TYW1: variants seen among roughly 807,000 people sequenced by gnomAD.
TYW1 encodes S-adenosyl-L-methionine-dependent tRNA 4-demethylwyosine synthase TYW1.
In TYW1, 46 loss-of-function variants were observed where a neutral mutation model predicts 96.2. That is an observed-to-expected ratio of 0.48 (90% confidence interval 0.38 to 0.61). The LOEUF is 0.61. Among genes scored for constraint, TYW1 ranks in the 20% least tolerant of loss-of-function variants. TYW1 has a pLI of 0.00. For synonymous variants in TYW1, 274 were observed against 323.0 expected (o/e 0.85, Z 1.63); for missense variants, 684 against 909.6 (o/e 0.75, Z 3.19).
intron 11 of TYW1, chr7:67,089,614 T>C: frequency 1.9e-6 from 1 of 516,312 alleles, no homozygotes; most frequent in Non-Finnish European, 3.4e-6. Flanking sequence ...TGGGGATTGT[T>C]GCTTATTGTC....
chr7:67,196,459 C>G (rs976308189), intron 15 of TYW1, among the ~76,000 whole-genome samples: 1 of 152,132 alleles, frequency 6.6e-6, no homozygotes, highest in African/African-American at 2.4e-5. Flanking sequence ...GCCTTGTTAC[C>G]TGTGATTGCA....
At chr7:67,044,688 C>T (rs1344644224) in intron 7 of TYW1, among the ~76,000 whole-genome samples, 3 of 151,732 alleles carry the variant, frequency 2.0e-5, no homozygotes, top group Non-Finnish European at 2.9e-5. Flanking sequence ...GGCACCATCT[C>T]GGCTCACTGC....
intron 12 of TYW1, among the ~76,000 whole-genome samples, chr7:67,115,427 C>G (rs145258041): frequency 6.6e-6 from 1 of 152,224 alleles, no homozygotes; most frequent in African/African-American, 2.4e-5. Context: ...GAAGGATCCC[C>G]TTAGTATATC....
chr7:67,011,071 C>G (rs1227445217), intron 4 of TYW1, among the ~76,000 whole-genome samples: 1 of 151,824 alleles, frequency 6.6e-6, no homozygotes, highest in Non-Finnish European at 1.5e-5. Context: ...GAGTTTCGCT[C>G]TTGTTGCCCA....
intron 13 of TYW1, among the ~76,000 whole-genome samples, chr7:67,181,025 T>C (rs1463171373): frequency 6.6e-6 from 1 of 151,852 alleles, no homozygotes; most frequent in East Asian, 1.9e-4. Flanking sequence ...ATGTTAAGGA[T>C]GTGTTTAATT....
intron 8 of TYW1, among the ~76,000 whole-genome samples, chr7:67,053,667 C>T (rs1417113495): frequency 7.2e-5 from 11 of 152,178 alleles, no homozygotes; most frequent in Admixed American, 1.3e-4. Context: ...AGGTGTGAGC[C>T]ACCATGCCCA....
At chr7:67,187,159 G>A (rs936590453) in intron 14 of TYW1, among the ~76,000 whole-genome samples, 6 of 149,022 alleles carry the variant, frequency 4.0e-5, no homozygotes, top group Non-Finnish European at 8.9e-5. Context: ...CGCCTCCTGG[G>A]TTCAAGCAGT....
chr7:67,175,255 T>G (rs1366369875), intron 13 of TYW1, among the ~76,000 whole-genome samples: 1 of 148,436 alleles, frequency 6.7e-6, no homozygotes, highest in African/African-American at 2.5e-5. Flanking sequence ...CACCGCAACC[T>G]CCACCTCCTG....
In TYW1 at chr7:66,998,918, G is replaced by T; in HGVS notation, c.237G>T (p.Val79=). 6.2e-7 allele frequency: 1 copy of T among 1,614,122 alleles called. No individual in the cohort carries two copies. Among genetic ancestry groups the T allele is most frequent in the Non-Finnish European group, 8.5e-7 (1 of 1,180,008 alleles). ...LQEKDIFVSG[V]KIFYGSQTGT... ...AGAAAGACATCTTTGTGTCTGGAGT[G>T]AAGATTTTTTATGGTTCTCAGACTG... Residue 79 remains valine, a synonymous_variant, in exon 3 of 16, where the codon GTG becomes GTT. Coordinates refer to ENST00000359626, the MANE Select transcript of TYW1 (RefSeq NM_018264.4).
chr7:67,111,543 T>C (rs1797408521), intron 12 of TYW1, among the ~76,000 whole-genome samples: 1 of 152,088 alleles, frequency 6.6e-6, no homozygotes, highest in Non-Finnish European at 1.5e-5. Flanking sequence ...AAATGATGAC[T>C]CATCAAATAG....
chr7:67,040,466 T>G (rs1794983046), intron 7 of TYW1, among the ~76,000 whole-genome samples: 1 of 152,010 alleles, frequency 6.6e-6, no homozygotes, highest in African/African-American at 2.4e-5. Flanking sequence ...CTGAGTAATT[T>G]TCATTGGTGA....
chr7:67,096,258 TGG>T (rs1796909711), intron 11 of TYW1, among the ~76,000 whole-genome samples: 1 of 151,896 alleles, frequency 6.6e-6, no homozygotes, highest in Non-Finnish European at 1.5e-5. Context: ...GGCATGGTGG[TGG>T]GCACCTGTAG....
chr7:67,024,578 C>T (rs1211258835), intron 6 of TYW1, among the ~76,000 whole-genome samples: 1 of 151,864 alleles, frequency 6.6e-6, no homozygotes, highest in Non-Finnish European at 1.5e-5. Flanking sequence ...GTCAGGGGTT[C>T]GAGACCAGCC....
At chr7:67,209,891 G>T (rs572804403) in intron 15 of TYW1, among the ~76,000 whole-genome samples, 10 of 151,748 alleles carry the variant, frequency 6.6e-5, no homozygotes, top group Non-Finnish European at 1.2e-4. Flanking sequence ...TTTTTCAATA[G>T]ACTTTATGTT....
intron 15 of TYW1, among the ~76,000 whole-genome samples, chr7:67,210,384 G>A (rs898919256): frequency 6.6e-6 from 1 of 152,138 alleles, no homozygotes; most frequent in Non-Finnish European, 1.5e-5. Context: ...TGCTGACCTC[G>A]ATCCTCCAAC....
chr7:67,036,400 A>G (rs1206996088), intron 7 of TYW1, among the ~76,000 whole-genome samples: 1 of 152,230 alleles, frequency 6.6e-6, no homozygotes, highest in African/African-American at 2.4e-5. Context: ...GGCTGTGCAC[A>G]ATTCAAAAGG....
intron 7 of TYW1, among the ~76,000 whole-genome samples, chr7:67,034,529 C>T (rs1794772960): frequency 1.3e-5 from 2 of 152,042 alleles, no homozygotes; most frequent in Non-Finnish European, 2.9e-5. Context: ...AGTATTCTTG[C>T]AGGTATTTTA....
At chr7:67,214,751 A>G (rs554991840) in intron 15 of TYW1, among the ~76,000 whole-genome samples, 28 of 143,458 alleles carry the variant, frequency 2.0e-4, no homozygotes, top group African/African-American at 7.2e-4. Flanking sequence ...TCAACTATTG[A>G]TAAGATCATG....
intron 15 of TYW1, among the ~76,000 whole-genome samples, chr7:67,223,806 A>G (rs1033174107): frequency 6.6e-6 from 1 of 151,496 alleles, no homozygotes; most frequent in African/African-American, 2.4e-5. Context: ...TTTGGAGCTA[A>G]GAGCAGAGAT....
Sources: gnomAD v4.1 joint callset for allele counts (sites outside exome capture counted in the v4.1 genomes callset) on GRCh38, gnomAD v4.1.1 for gene constraint, MANE v1.5 for transcripts, NCBI Gene and HGNC (gene_info 2026-07-23, HGNC 2026-07-21) for gene names.